SENP7: variants seen among roughly 807,000 people sequenced by gnomAD.
SENP7 encodes the protein sentrin-specific protease 7.
A neutral mutation model predicts 141.2 loss-of-function variants in SENP7; 64 were observed. The ratio of observed to expected loss-of-function variants is 0.45; its 90% CI spans 0.37 to 0.56. SENP7 has a LOEUF of 0.56. SENP7 is among the 20% of genes least tolerant of loss of function. The probability of loss-of-function intolerance (pLI) is 0.00; values close to 1 mark genes in which losing one functional copy is unlikely to be tolerated. For missense variants in SENP7, 1,025 were observed against 1,212.2 expected (o/e 0.85, Z 2.29); for synonymous variants, 382 against 426.4 (o/e 0.90, Z 1.28).
chr3:101,490,136 G>C (rs1279282868), intron 3 of SENP7, among the ~76,000 whole-genome samples: 1 of 150,716 alleles, frequency 6.6e-6, no homozygotes, highest in African/African-American at 2.4e-5. Flanking sequence ...GGTGAGCCAA[G>C]ATCGTGCCAT....
rs560852314 is a variant in SENP7, at chr3:101,414,248, G to C, written c.482+3345C>G. On this transcript the variant is annotated intron_variant, in intron 5 of 23. Transcript: ENST00000394095. ...AACAGCTACAGCAGCTGCAGGTGAC[G>C]AGTGGTAGAATCGATGGTGAAGAGT... is the stretch of plus-strand genomic sequence containing the variant. The C allele has an allele frequency of 2.3e-5, 13 of 576,072 alleles. No individual in the cohort carries two copies. The South Asian group carries it at 2.5e-4, about 11-fold the overall frequency. 35.7% of individuals were successfully genotyped at this position (576,072 alleles called of 1,614,324 possible).
intron 6 of SENP7, among the ~76,000 whole-genome samples, chr3:101,396,577 G>C (rs538545021): frequency 2.0e-5 from 3 of 151,770 alleles, no homozygotes; most frequent in Non-Finnish European, 4.4e-5. Context: ...AGATTTAAAA[G>C]AAAAGAAAAA....
At chr3:101,403,033 T>C (rs2061196068) in intron 5 of SENP7, among the ~76,000 whole-genome samples, 1 of 152,190 alleles carries the variant, frequency 6.6e-6, no homozygotes, top group Non-Finnish European at 1.5e-5. Flanking sequence ...AAAGGATTCA[T>C]CATTCTAGAT....
At chr3:101,335,591 T>C (rs1576814735) in intron 17 of SENP7, among the ~76,000 whole-genome samples, 1 of 147,904 alleles carries the variant, frequency 6.8e-6, no homozygotes, top group African/African-American at 2.5e-5. Flanking sequence ...ATTATGTATA[T>C]AATAATCAGG....
At position 101,343,817 on chromosome 3, in the gene SENP7, G is replaced by A; in HGVS notation, c.1975C>T (p.Gln659Ter). ...LELSYPLSWVQAFPLFQNLSS... is the reference protein window; with the variant it reads ...LELSYPLSWV ...AGGTTCTGAAACAAAGGAAATGCCT[G>A]AACCCAAGACAACGGGTAAGAAAGC... The change falls in exon 14 of 24, where the codon CAG becomes TAG. Residue 659 changes from glutamine to a stop codon, truncating the protein, a stop_gained. Transcript: ENST00000394095. LOFTEE classifies it high-confidence loss of function. The A allele has an allele frequency of 6.2e-7, 1 of 1,613,864 alleles. No homozygotes were observed.
chr3:101,477,461 A>C (rs1427301038), intron 3 of SENP7, among the ~76,000 whole-genome samples: 2 of 151,932 alleles, frequency 1.3e-5, no homozygotes, highest in African/African-American at 2.4e-5. Flanking sequence ...AATTTATAGC[A>C]ATAAATACGT....
chr3:101,420,084 G>A (rs1029178793), intron 4 of SENP7, among the ~76,000 whole-genome samples: 2 of 152,142 alleles, frequency 1.3e-5, no homozygotes, highest in Non-Finnish European at 2.9e-5. Context: ...AAAGTGATAG[G>A]AGGCCAGGCG....
At chr3:101,506,300 A>G (rs2065607126) in intron 1 of SENP7, among the ~76,000 whole-genome samples, 1 of 152,234 alleles carries the variant, frequency 6.6e-6, no homozygotes, top group East Asian at 1.9e-4. Flanking sequence ...GATTACAGGC[A>G]TGGGCCACAG....
chr3:101,504,928 A>C (rs532563460), intron 1 of SENP7, among the ~76,000 whole-genome samples: 1 of 152,284 alleles, frequency 6.6e-6, no homozygotes, highest in African/African-American at 2.4e-5. Flanking sequence ...CTGAGGTGGG[A>C]AAATCGCTTG....
At chr3:101,358,379 CA>C in intron 11 of SENP7, 1 of 514,622 alleles carries the variant, frequency 1.9e-6, no homozygotes, top group African/African-American at 2.0e-5. Flanking sequence ...AAATGTTCCT[CA>C]ACCCTTAATA....
intron 11 of SENP7, chr3:101,357,875 G>T (rs928459189): frequency 1.8e-6 from 1 of 557,862 alleles, no homozygotes; most frequent in Admixed American, 2.5e-5. Context: ...AAGCCTTTAA[G>T]CTGCCTCTAA....
rs1350718112 is a variant in SENP7 at position 101,442,310 on chromosome 3, C to T, written c.284+16645G>A. On this transcript the variant is annotated intron_variant, in intron 4 of 23. Transcript: ENST00000394095. ...GGGAAGACAATTTTTCCACAGACCA[C>T]GGGATGGCAGGGGAGTATGGACTGT... 7.9e-5 allele frequency among the ~76,000 whole-genome samples: 12 copies of T among 152,316 alleles called. No individual in the cohort carries two copies. The East Asian group carries it at 9.6e-4, about 12-fold the overall frequency.
At chr3:101,386,049 A>G (rs977638455) in intron 6 of SENP7, among the ~76,000 whole-genome samples, 1 of 152,194 alleles carries the variant, frequency 6.6e-6, no homozygotes, top group Non-Finnish European at 1.5e-5. Flanking sequence ...GGATAAAAAA[A>G]AAATTAATGA....
At chr3:101,445,702 C>A (rs2062864090) in intron 4 of SENP7, among the ~76,000 whole-genome samples, 1 of 151,944 alleles carries the variant, frequency 6.6e-6, no homozygotes, top group African/African-American at 2.4e-5. Context: ...ATATATATAT[C>A]ACACAAATGA....
In SENP7 at chr3:101,432,325, CGGACAGCACTTCT is replaced by C. The variant is rs372634535; in HGVS notation, c.285-14548_285-14536del. Among the ~76,000 whole-genome samples the C allele has an allele frequency of 7.7e-3, 1,179 of 152,282 alleles. 19 individuals are homozygous for C. The highest frequency in any genetic ancestry group is 0.027 in the African/African-American group (1,141 of 41,566). ...GTTTTTGACTCCAGTCCCTGACTCCCGGACAGCACTTCTGGACTGACCAAGGGCTTGGGAGATC... is the reference window on the plus strand; with the variant it reads ...GTTTTTGACTCCAGTCCCTGACTCCCGGACTGACCAAGGGCTTGGGAGATC... On this transcript the variant is annotated intron_variant, in intron 4 of 23. Coordinates refer to ENST00000394095, the MANE Select transcript of SENP7 (RefSeq NM_020654.5).
chr3:101,464,555 T>G (rs760048220), intron 3 of SENP7, among the ~76,000 whole-genome samples: 1 of 152,116 alleles, frequency 6.6e-6, no homozygotes, highest in Non-Finnish European at 1.5e-5. Flanking sequence ...GAGAATCTAA[T>G]GACTGATGAT....
chr3:101,449,899 C>A (rs1293458510), intron 4 of SENP7, among the ~76,000 whole-genome samples: 1 of 152,128 alleles, frequency 6.6e-6, no homozygotes, highest in Non-Finnish European at 1.5e-5. Context: ...GCTAAATGCT[C>A]CAATTAAAAT....
Position 101,458,986 on chromosome 3 carries a change from A to G in SENP7, c.253T>C (p.Cys85Arg). Residue 85 changes from cysteine to arginine, a missense_variant, in exon 4 of 24, where the codon TGT (cysteine) becomes CGT (arginine). Physicochemically the swap from Cys to Arg is radical, Grantham distance 180. This residue lies in a region of SENP7 where 496 missense variants were observed against 503.5 expected (regional missense o/e 0.99). Transcript: ENST00000394095. ...DHKNKKHIRG[C>R]PVTSKSSPER... ...GGTGATGACTTGGAAGTAACAGGAC[A>G]CCCTCGGATATGTTTTTTATTTTTA... 6.2e-7 allele frequency: 1 copy of G among 1,609,478 alleles called. No individual in the cohort carries two copies. Among genetic ancestry groups the G allele is most frequent in the Non-Finnish European group, 8.5e-7 (1 of 1,176,712 alleles).
At position 101,325,855 on chromosome 3, in the gene SENP7, T is replaced by G. The variant is rs2058886074; in HGVS notation, c.*88A>C. On this transcript the variant is annotated 3_prime_UTR_variant, in exon 24 of 24. Transcript: ENST00000394095. ...ATTATAAAACTACTGCAAGTTATTTTCTTCTCTGTGAGCTGGCTAACACAA... is the reference window on the plus strand; with the variant it reads ...ATTATAAAACTACTGCAAGTTATTTGCTTCTCTGTGAGCTGGCTAACACAA... 4 of 1,227,210 alleles carry G rather than the reference T, an allele frequency of 3.3e-6. No individual in the cohort carries two copies. The East Asian group carries it at 1.0e-4, about 31-fold the overall frequency. The allele number at this position is 1,227,210 out of a possible 1,614,324, so 76.0% of individuals were successfully genotyped here.
Sources: gnomAD v4.1 joint callset for allele counts (sites outside exome capture counted in the v4.1 genomes callset) on GRCh38, gnomAD v4.1.1 for gene constraint, gnomAD v4.1.1 regional missense constraint, MANE v1.5 for transcripts, NCBI Gene and HGNC (gene_info 2026-07-23, HGNC 2026-07-21) for gene names.